The following PIGB variants were observed in gnomAD, a reference collection of about 807,000 sequenced individuals.
PIGB encodes phosphatidylinositol glycan anchor biosynthesis class B, also known as GPI alpha-1,2-mannosyltransferase 3.
Under a neutral mutation model 68.4 loss-of-function variants are expected in PIGB, and 58 were observed. The ratio of observed to expected loss-of-function variants is 0.85; its 90% CI spans 0.69 to 1.06. The LOEUF is 1.06. Ranked by LOEUF, PIGB falls within the 50% of genes least tolerant of loss-of-function variation. PIGB has a pLI of 0.00. For missense variants in PIGB, 634 were observed against 655.8 expected (o/e 0.97, Z 0.36); for synonymous variants, 219 against 220.5 (o/e 0.99, Z 0.06).
intron 9 of PIGB, 59 bp from the exon 10 acceptor site, chr15:55,350,640 G>A: frequency 1.0e-6 from 1 of 1,003,548 alleles, no homozygotes; most frequent in Middle Eastern, 2.4e-4. Flanking sequence ...AGATGTATTT[G>A]CAGTTAACAT....
Position 55,340,700 on chromosome 15 carries a change from T to C in PIGB, c.935T>C (p.Phe312Ser). The C allele has an allele frequency of 1.9e-6, 3 of 1,611,952 alleles. No individual in the cohort carries two copies. Among genetic ancestry groups the C allele is most frequent in the Non-Finnish European group, 2.5e-6 (3 of 1,178,576 alleles). ...GGTTCTCATCCATGGCACTGGTACT[T>C]CAGTCAAGGATTTCCAGTTATCTTG... ...FYGSHPWHWYFSQGFPVILGT... is the reference protein window; with the variant it reads ...FYGSHPWHWYSSQGFPVILGT... Residue 312 changes from phenylalanine (F) to serine (S), a missense_variant, in exon 8 of 12, where the codon TTC becomes TCC. Phe to Ser is a radical substitution (Grantham distance 155). Transcript: ENST00000164305.
chr15:55,329,907 C>A lies in PIGB; in HGVS notation c.653+53C>A. 3 of 1,346,800 alleles carry A rather than the reference C, an allele frequency of 2.2e-6. No homozygotes were observed. The South Asian group carries it at 3.8e-5, about 17-fold the overall frequency. The allele number at this position is 1,346,800 out of a possible 1,614,324, so 83.4% of individuals were successfully genotyped here. On this transcript the variant is annotated intron_variant, in intron 5 of 11. Coordinates refer to ENST00000164305, the MANE Select transcript of PIGB (RefSeq NM_004855.5). ...GTTCAAAATTCTACTTTTGAAAAAT[C>A]TTAAATATCAACATATTGTAATGTC...
At chr15:55,319,636 T>C in intron 1 of PIGB, 1 of 427,108 alleles carries the variant, frequency 2.3e-6, no homozygotes. Flanking sequence ...GCCGACAGGC[T>C]GTCCATTTGT....
At chr15:55,340,056 A>T (rs944835665) in intron 7 of PIGB, 2 of 152,264 alleles carry the variant, frequency 1.3e-5, no homozygotes, top group Non-Finnish European at 2.9e-5. Context: ...TATAAGTTTG[A>T]TTCTCACTTT....
At position 55,353,061 on chromosome 15, in the gene PIGB, G is replaced by A. The variant is rs2247550; in HGVS notation, c.1338-1737G>A. On this transcript the variant is annotated intron_variant, in intron 10 of 11. Coordinates refer to ENST00000164305, the MANE Select transcript of PIGB (RefSeq NM_004855.5). The stretch of plus-strand genomic sequence containing the variant: ...GCTGAAAAAGGGACATTCACTCTCC[G>A]TGCTCACATTAGGGATAATACTGAG... 7.7e-3 allele frequency among the ~76,000 whole-genome samples: 1,169 copies of A among 152,250 alleles called. 10 individuals are homozygous for A. Among genetic ancestry groups the A allele is most frequent in the African/African-American group, 0.027 (1,120 of 41,552 alleles).
chr15:55,354,182 G>A (rs2056008711), intron 10 of PIGB, among the ~76,000 whole-genome samples: 1 of 151,812 alleles, frequency 6.6e-6, no homozygotes, highest in South Asian at 2.1e-4. Context: ...GGCGTGGTTG[G>A]CGGGCGCCTG....
At chr15:55,342,770 G>A (rs2141204019) in intron 9 of PIGB, among the ~76,000 whole-genome samples, 1 of 152,234 alleles carries the variant, frequency 6.6e-6, no homozygotes, top group East Asian at 1.9e-4. Context: ...GTCTTAACAT[G>A]TATTTTTTTG....
chr15:55,339,419 CAA>C, intron 7 of PIGB, 101 bp downstream of exon 7: 1 of 731,150 alleles, frequency 1.4e-6, no homozygotes, highest in South Asian at 1.8e-5. Flanking sequence ...GGATACATTA[CAA>C]AAGACTTCTA....
At chr15:55,325,034 A>C in intron 3 of PIGB, among the ~76,000 whole-genome samples, 1 of 152,236 alleles carries the variant, frequency 6.6e-6, no homozygotes, top group East Asian at 1.9e-4. Flanking sequence ...TTCAACAAAA[A>C]TATGAATTAA....
intron 5 of PIGB, among the ~76,000 whole-genome samples, chr15:55,333,054 A>T (rs534716994): frequency 6.6e-5 from 10 of 152,054 alleles, no homozygotes; most frequent in South Asian, 2.1e-4. Flanking sequence ...GCCTCTCTTT[A>T]TGACTTTCTT....
chr15:55,323,754 A>AT (rs1412258134), intron 3 of PIGB, among the ~76,000 whole-genome samples: 2 of 152,176 alleles, frequency 1.3e-5, no homozygotes, highest in African/African-American at 4.8e-5. Flanking sequence ...TTACTTTTTA[A>AT]TTTGCCAGCT....
intron 4 of PIGB, 40 bp from the exon 5 acceptor site, chr15:55,329,684 T>C (rs941066987): frequency 7.1e-6 from 11 of 1,554,954 alleles, no homozygotes; most frequent in Non-Finnish European, 9.6e-6. Context: ...AGGTTTTCCA[T>C]TTCCAATTTC....
At chr15:55,336,166 G>A (rs909814131) in intron 6 of PIGB, among the ~76,000 whole-genome samples, 1 of 152,122 alleles carries the variant, frequency 6.6e-6, no homozygotes, top group African/African-American at 2.4e-5. Flanking sequence ...AGTGCCCTGG[G>A]AGACCAGGAG....
intron 6 of PIGB, among the ~76,000 whole-genome samples, chr15:55,337,801 T>TAGTTATACATGTATACC (rs1284814384): frequency 6.6e-6 from 1 of 152,118 alleles, no homozygotes; most frequent in Non-Finnish European, 1.5e-5. Flanking sequence ...AAGGAATACA[T>TAGTTATACATGTATACC]ACAGTGTGGT....
intron 9 of PIGB, chr15:55,343,225 A>C (rs560394334): frequency 1.3e-5 from 2 of 152,292 alleles, no homozygotes; most frequent in African/African-American, 4.8e-5. Context: ...TTTACAGTGT[A>C]ACCACATACA....
Position 55,340,507 on chromosome 15 carries a change from G to C in PIGB, c.847-105G>C. ...AATGTAAACTATTGCCTGGTTTTTA[G>C]ACTTCAATTCTGATTTAATGTCAAA... On this transcript the variant is annotated intron_variant, in intron 7 of 11. Transcript: ENST00000164305. 5.1e-6 allele frequency: 3 copies of C among 589,828 alleles called. No individual in the cohort carries two copies. In the East Asian group the frequency reaches 9.6e-5, roughly 19 times the overall value. The allele number at this position is 589,828 out of a possible 1,614,324, so 36.5% of individuals were successfully genotyped here. A position where few individuals can be genotyped will look rare whatever the true frequency, so the allele number is the denominator to read the frequency against.
chr15:55,332,571 C>A (rs1335836767), intron 5 of PIGB, among the ~76,000 whole-genome samples: 3 of 151,866 alleles, frequency 2.0e-5, no homozygotes, highest in African/African-American at 7.3e-5. Context: ...CAGGGTTTCA[C>A]CATTTTGGCC....
chr15:55,319,353 C>A lies in PIGB; in HGVS notation c.103C>A (p.Arg35=). 1 of 1,566,086 alleles carries A rather than the reference C, an allele frequency of 6.4e-7. No homozygotes were observed. Among genetic ancestry groups the A allele is most frequent in the Non-Finnish European group, 8.7e-7 (1 of 1,154,698 alleles). ...QNRSHGKIKL[R]KRKSTLYFNT... is the part of the protein sequence containing the mutation. ...CCGCTCCCACGGCAAGATAAAGCTG[C>A]GAAAGAGAAAGTCTACCTTGTACTT... Residue 35 remains arginine (R), a synonymous_variant, in exon 1 of 12, where the codon CGA becomes AGA. Coordinates refer to ENST00000164305, the MANE Select transcript of PIGB (RefSeq NM_004855.5).
In PIGB at chr15:55,350,396, A is replaced by G. The variant is rs974614822; in HGVS notation, c.1124-303A>G. 81 of 353,418 alleles carry G rather than the reference A, an allele frequency of 2.3e-4. No homozygotes were observed. The Admixed American group carries it at 2.6e-3, about 11-fold the overall frequency. 21.9% of individuals were successfully genotyped at this position (353,418 alleles called of 1,614,324 possible). On this transcript the variant is annotated intron_variant, in intron 9 of 11. Transcript: ENST00000164305. ...TTTTCTAACACTTGAATAAGGTACTATTATCCCAATGACCAGCAAAGTAAA... is the reference window on the plus strand; with the variant it reads ...TTTTCTAACACTTGAATAAGGTACTGTTATCCCAATGACCAGCAAAGTAAA...
Sources: gnomAD v4.1 joint callset for allele counts (sites outside exome capture counted in the v4.1 genomes callset) on GRCh38, gnomAD v4.1.1 for gene constraint, MANE v1.5 for transcripts, NCBI Gene and HGNC (gene_info 2026-07-23, HGNC 2026-07-21) for gene names.